APBA2: variants seen among roughly 807,000 people sequenced by gnomAD.
APBA2 encodes amyloid beta precursor protein binding family A member 2, also known as amyloid-beta A4 precursor protein-binding family A member 2.
A neutral mutation model predicts 75.0 loss-of-function variants in APBA2; 30 were observed. The ratio of observed to expected loss-of-function variants is 0.40; its 90% CI spans 0.30 to 0.54. APBA2 has a LOEUF of 0.54. Among genes scored for constraint, APBA2 ranks in the 20% least tolerant of loss-of-function variants. APBA2 has a pLI of 0.49. For synonymous variants in APBA2, 444 were observed against 409.6 expected (o/e 1.08, Z -1.01); for missense variants, 801 against 1,016.1 (o/e 0.79, Z 2.88).
chr15:29,023,441 C>CTT (rs10604525), intron 3 of APBA2, among the ~76,000 whole-genome samples: 1,481 of 73,422 alleles, frequency 0.02, 82 homozygotes, highest in Non-Finnish European at 0.029. Flanking sequence ...TACCTTTTTC[C>CTT]TTTTTTTTTT....
intron 7 of APBA2, among the ~76,000 whole-genome samples, chr15:29,093,908 G>C (rs1190736991): frequency 6.6e-6 from 1 of 152,238 alleles, no homozygotes; most frequent in East Asian, 1.9e-4. Flanking sequence ...AGAAAGCCAG[G>C]TAACCCAGGG....
intron 2 of APBA2, among the ~76,000 whole-genome samples, chr15:28,970,971 C>T (rs1233148683): frequency 2.0e-5 from 3 of 152,114 alleles, no homozygotes; most frequent in African/African-American, 4.8e-5. Context: ...AGCTGTTGTG[C>T]CTTGATGTCT....
At chr15:28,982,321 T>G (rs2037668052) in intron 2 of APBA2, among the ~76,000 whole-genome samples, 1 of 152,254 alleles carries the variant, frequency 6.6e-6, no homozygotes, top group Non-Finnish European at 1.5e-5. Flanking sequence ...TTTGTTGCCC[T>G]TTGGGCTAAT....
rs2035565488 is a variant in APBA2 at position 28,946,606 on chromosome 15, T to TCA, written c.-95+24858_-95+24859insAC. On this transcript the variant is annotated intron_variant, in intron 2 of 14. Coordinates refer to ENST00000683413, the MANE Select transcript of APBA2 (RefSeq NM_001353788.2). ...TTCTTTTCTTTTTTTTGAGACAGGA[T>TCA]CTTGCTCTGTCATCCAGGCTGGAGT... is the stretch of plus-strand genomic sequence containing the variant. Among the ~76,000 whole-genome samples the TCA allele has an allele frequency of 9.2e-5, 14 of 152,296 alleles. No homozygotes were observed. The South Asian group carries it at 2.9e-3, about 32-fold the overall frequency.
intron 2 of APBA2, among the ~76,000 whole-genome samples, chr15:28,949,882 C>T (rs968530984): frequency 2.0e-5 from 3 of 152,230 alleles, no homozygotes; most frequent in African/African-American, 7.2e-5. Context: ...CTCTCGTTAA[C>T]ATCTTACATC....
chr15:29,102,039 T>A, intron 10 of APBA2: 1 of 578,570 alleles, frequency 1.7e-6, no homozygotes, highest in Non-Finnish European at 3.1e-6. Flanking sequence ...GAGGGAGCTA[T>A]TTGAAGAAAT....
intron 3 of APBA2, among the ~76,000 whole-genome samples, chr15:28,998,736 G>A (rs566541853): frequency 1.2e-4 from 18 of 152,354 alleles, no homozygotes; most frequent in African/African-American, 2.2e-4. Context: ...GGTGGCAGAC[G>A]TGTGTTATGG....
At chr15:29,000,018 G>C (rs1411710819) in intron 3 of APBA2, among the ~76,000 whole-genome samples, 5 of 152,190 alleles carry the variant, frequency 3.3e-5, no homozygotes, top group East Asian at 3.9e-4. Context: ...CTCCTCTGCT[G>C]TTTTGTTCTA....
At chr15:29,014,419 C>T (rs1244667982) in intron 3 of APBA2, among the ~76,000 whole-genome samples, 1 of 152,192 alleles carries the variant, frequency 6.6e-6, no homozygotes, top group East Asian at 1.9e-4. Flanking sequence ...GATGTGATCC[C>T]AAAACAATCC....
chr15:28,939,133 A>C (rs1199944030), intron 2 of APBA2, among the ~76,000 whole-genome samples: 1 of 152,020 alleles, frequency 6.6e-6, no homozygotes. Flanking sequence ...TGACTGTCTT[A>C]TTTCACTTCG....
At chr15:28,890,232 C>A (rs1370438212) in intron 1 of APBA2, among the ~76,000 whole-genome samples, 1 of 152,154 alleles carries the variant, frequency 6.6e-6, no homozygotes, top group Non-Finnish European at 1.5e-5. Flanking sequence ...TTCACATAGG[C>A]CAGAGGAGAA....
chr15:29,102,189 C>T (rs1356167562), intron 10 of APBA2: 13 of 305,850 alleles, frequency 4.3e-5, no homozygotes, highest in Non-Finnish European at 6.9e-5. Flanking sequence ...TCTGCCTTTG[C>T]GTGTGGTCTT....
chr15:29,108,754 C>A, intron 13 of APBA2: 1 of 406,364 alleles, frequency 2.5e-6, no homozygotes, highest in Non-Finnish European at 4.6e-6. Flanking sequence ...GACGTTCACT[C>A]ATTCATTCAT....
intron 3 of APBA2, among the ~76,000 whole-genome samples, chr15:29,018,510 T>G (rs2039791984): frequency 6.6e-6 from 1 of 152,060 alleles, no homozygotes; most frequent in Non-Finnish European, 1.5e-5. Context: ...GCAGTCCTTC[T>G]GCCAGACAAG....
intron 2 of APBA2, among the ~76,000 whole-genome samples, chr15:28,941,690 T>A (rs868537508): frequency 2.6e-5 from 4 of 152,192 alleles, no homozygotes; most frequent in Non-Finnish European, 5.9e-5. Context: ...GAGTGGCCGG[T>A]AGGGCCCCTC....
intron 3 of APBA2, among the ~76,000 whole-genome samples, chr15:29,015,984 C>T (rs188827316): frequency 3.9e-5 from 6 of 152,172 alleles, no homozygotes; most frequent in Non-Finnish European, 4.4e-5. Context: ...GTTGGCCGGG[C>T]GCGGTGGCTC....
chr15:28,937,879 G>A (rs1409001075), intron 2 of APBA2, among the ~76,000 whole-genome samples: 2 of 152,106 alleles, frequency 1.3e-5, no homozygotes, highest in African/African-American at 4.8e-5. Context: ...GGATGGTCTC[G>A]ATCTCCTGAC....
intron 2 of APBA2, among the ~76,000 whole-genome samples, chr15:28,965,924 G>T (rs2036713840): frequency 6.6e-6 from 1 of 152,160 alleles, no homozygotes; most frequent in South Asian, 2.1e-4. Context: ...GTTCTATATA[G>T]TTTAAAATTT....
At chr15:29,034,215 A>T (rs1207862331) in intron 3 of APBA2, among the ~76,000 whole-genome samples, 1 of 152,132 alleles carries the variant, frequency 6.6e-6, no homozygotes, top group African/African-American at 2.4e-5. Flanking sequence ...ATTGTTGGCC[A>T]TGTGGTTGAG....
Sources: gnomAD v4.1 joint callset for allele counts (sites outside exome capture counted in the v4.1 genomes callset) on GRCh38, gnomAD v4.1.1 for gene constraint, MANE v1.5 for transcripts, NCBI Gene and HGNC (gene_info 2026-07-23, HGNC 2026-07-21) for gene names.